Variants in CAPS2 observed in about 807,000 individuals in gnomAD.
CAPS2 encodes calcyphosine 2, also known as calcyphosin-2.
Under a neutral mutation model 86.5 loss-of-function variants are expected in CAPS2, and 98 were observed. That is an observed-to-expected ratio of 1.13 (90% confidence interval 0.96 to 1.34). The LOEUF (loss-of-function observed/expected upper bound fraction) is 1.34. Among genes scored for constraint, CAPS2 ranks in the 40% most tolerant of loss-of-function variants. The pLI is 0.00. For missense variants in CAPS2, 729 were observed against 686.8 expected (o/e 1.06, Z -0.69); for synonymous variants, 210 against 225.1 (o/e 0.93, Z 0.60).
chr12:75,384,634 A>G (rs2045186763), intron 1 of CAPS2, among the ~76,000 whole-genome samples: 1 of 152,218 alleles, frequency 6.6e-6, no homozygotes, highest in Non-Finnish European at 1.5e-5. Context: ...CAAACAGAAT[A>G]CTTCTTAACT....
At chr12:75,287,616 G>C (rs1476857803) in intron 14 of CAPS2, among the ~76,000 whole-genome samples, 2 of 152,314 alleles carry the variant, frequency 1.3e-5, no homozygotes, top group African/African-American at 4.8e-5. Context: ...GGGTAGCTAA[G>C]CTTGTGGAGG....
At position 75,304,551 on chromosome 12, in the gene CAPS2, T is replaced by A. The variant is rs192222414; in HGVS notation, c.779+206A>T. Among the ~76,000 whole-genome samples the A allele has an allele frequency of 4.4e-3, 665 of 152,174 alleles. 6 individuals carry two copies. Among genetic ancestry groups the A allele is most frequent in the African/African-American group, 0.015 (635 of 41,510 alleles). ...TTTCCCCTAAATTACAAATAAAAAATCTGGAGGGCAAAGAGAGTAAAATAA... is the reference window on the plus strand; with the variant it reads ...TTTCCCCTAAATTACAAATAAAAAAACTGGAGGGCAAAGAGAGTAAAATAA... On this transcript the variant is annotated intron_variant, in intron 8 of 16. Transcript: ENST00000393284.
At chr12:75,316,361 T>C (rs376174740) in exon 6 of CAPS2, 3 of 1,551,030 alleles carry the variant, frequency 1.9e-6, no homozygotes, top group Non-Finnish European at 2.6e-6. Flanking sequence ...GTTGTCTGCA[T>C]AACCTTGCTG....
upstream of CAPS2, chr12:75,329,789 C>A (rs1383691429): frequency 6.6e-7 from 1 of 1,504,560 alleles, no homozygotes. Flanking sequence ...CCTTTCACCC[C>A]ATCACTCCCC....
Position 75,298,766 on chromosome 12 carries a change from G to C in CAPS2, c.965C>G (p.Pro322Arg), listed in dbSNP as rs754861520. 2.5e-6 allele frequency: 4 copies of C among 1,613,426 alleles called. No homozygotes were observed. The Admixed American group carries it at 5.0e-5, about 20-fold the overall frequency. ...ACTATAAATGCTTTTTTGAATAAAA[G>C]GAAGCACATTTGTTCTAGAAAGTAA... The change falls in exon 11 of 17, where the codon CCT (proline) becomes CGT (arginine). Residue 322 changes from proline to arginine, a missense_variant. Transcript: ENST00000393284.
intron 7 of CAPS2, chr12:75,306,459 T>G (rs2038514377): frequency 3.6e-6 from 1 of 278,244 alleles, no homozygotes; most frequent in African/African-American, 2.2e-5. Context: ...CAGTGCAGTA[T>G]TCACGTGTAA....
At chr12:75,328,182 G>A (rs575577842), upstream of CAPS2, among the ~76,000 whole-genome samples, 1 of 152,134 alleles carries the variant, frequency 6.6e-6, no homozygotes, top group East Asian at 1.9e-4. Flanking sequence ...GGAGGCCAGG[G>A]TTGGGTTGGT....
At chr12:75,313,960 C>T (rs2039490359) in intron 6 of CAPS2, among the ~76,000 whole-genome samples, 1 of 152,038 alleles carries the variant, frequency 6.6e-6, no homozygotes, top group Non-Finnish European at 1.5e-5. Flanking sequence ...TGCTATGTTG[C>T]CCAGGCTGGA....
intron 1 of CAPS2, chr12:75,343,899 T>C: frequency 1.2e-6 from 2 of 1,611,560 alleles, no homozygotes; most frequent in Non-Finnish European, 8.5e-7. Flanking sequence ...ATGATTTTGA[T>C]AGTCTATCAT....
intron 8 of CAPS2, among the ~76,000 whole-genome samples, chr12:75,300,414 G>T (rs7302219): frequency 6.6e-6 from 1 of 151,658 alleles, no homozygotes. Flanking sequence ...AAATTAGCCG[G>T]GCGTGGTGGT....
At chr12:75,374,926 C>T (rs1032375615) in intron 1 of CAPS2, among the ~76,000 whole-genome samples, 1 of 152,150 alleles carries the variant, frequency 6.6e-6, no homozygotes, top group Non-Finnish European at 1.5e-5. Flanking sequence ...TGTCATTGTC[C>T]AAGATCCATT....
At chr12:75,380,891 A>G (rs1391883354) in intron 1 of CAPS2, among the ~76,000 whole-genome samples, 1 of 152,210 alleles carries the variant, frequency 6.6e-6, no homozygotes, top group African/African-American at 2.4e-5. Context: ...CCTTTGATGA[A>G]AAGATTACAG....
intron 13 of CAPS2, 144 bp from the exon 14 acceptor site, chr12:75,289,919 G>T (rs2035551356): frequency 1.6e-6 from 1 of 635,412 alleles, no homozygotes; most frequent in Non-Finnish European, 2.7e-6. Flanking sequence ...TAAGACAAAA[G>T]ACTTTGGAAA....
At chr12:75,383,398 C>T (rs555493986) in intron 1 of CAPS2, among the ~76,000 whole-genome samples, 1 of 152,232 alleles carries the variant, frequency 6.6e-6, no homozygotes, top group East Asian at 1.9e-4. Context: ...TTAATTTTGG[C>T]TGCAGCCAAC....
intron 1 of CAPS2, chr12:75,360,801 T>C (rs2043530150): frequency 6.6e-6 from 1 of 152,170 alleles, no homozygotes; most frequent in African/African-American, 2.4e-5. Flanking sequence ...ACTGCCCTAG[T>C]AGAGGTTCTC....
At chr12:75,291,256 T>G (rs912017809) in intron 13 of CAPS2, among the ~76,000 whole-genome samples, 1 of 151,742 alleles carries the variant, frequency 6.6e-6, no homozygotes, top group Non-Finnish European at 1.5e-5. Context: ...CTAGCTTTTT[T>G]TTCTTTTACA....
chr12:75,316,766 TATTATA>T (rs1479352403), intron 5 of CAPS2, among the ~76,000 whole-genome samples: 7 of 152,174 alleles, frequency 4.6e-5, no homozygotes, highest in Admixed American at 2.0e-4. Flanking sequence ...AGTTAGCAGC[TATTATA>T]ATTATTATTG....
chr12:75,389,640 ACTTCTAGCGTTTAGGAT>A (rs1164238578), intron 1 of CAPS2, among the ~76,000 whole-genome samples: 3 of 152,236 alleles, frequency 2.0e-5, no homozygotes, highest in Non-Finnish European at 4.4e-5. Context: ...ATACTAAAAT[ACTTCTAGCGTTTAGGAT>A]CTTCCTCTCC....
chr12:75,354,693 C>T (rs898673871), intron 1 of CAPS2, among the ~76,000 whole-genome samples: 1 of 152,112 alleles, frequency 6.6e-6, no homozygotes, highest in African/African-American at 2.4e-5. Flanking sequence ...CAGAAAAGAA[C>T]AAAGCTGGAG....
Sources: allele counts gnomAD v4.1 joint callset (sites outside exome capture counted in the v4.1 genomes callset), GRCh38; gene constraint gnomAD v4.1.1; transcripts MANE v1.5; gene names NCBI Gene and HGNC (gene_info 2026-07-23, HGNC 2026-07-21).